Variants in KPNA7 observed in about 807,000 individuals in gnomAD.
KPNA7 encodes the protein importin subunit alpha-8.
KPNA7 carries 54 observed loss-of-function variants against 53.7 expected under a neutral mutation model. That is an observed-to-expected ratio of 1.01 (90% confidence interval 0.81 to 1.26). The LOEUF (loss-of-function observed/expected upper bound fraction) is 1.26. Ranked by LOEUF, KPNA7 falls within the 50% of genes most tolerant of loss-of-function variation. KPNA7 has a pLI of 0.00. For missense variants in KPNA7, 640 were observed against 644.5 expected, an observed-to-expected ratio of 0.99 and a Z score of 0.07; for synonymous variants, 276 against 259.3, an observed-to-expected ratio of 1.06 and a Z score of -0.62.
At chr7:99,216,558 C>T (rs1393973081) in intron 1 of KPNA7, among the ~76,000 whole-genome samples, 1 of 55,216 alleles carries the variant, frequency 1.8e-5, no homozygotes, top group East Asian at 9.9e-4. Flanking sequence ...AAGCTTCTTA[C>T]CAACACCCTC....
chr7:99,158,008 C>G, the KPNA7 span, among the ~76,000 whole-genome samples: 1 of 151,948 alleles, frequency 6.6e-6, no homozygotes, highest in African/African-American at 2.4e-5. Context: ...AACTCCTGGC[C>G]TCCTGAGTAG....
At chr7:99,219,009 C>A (rs553784159) in intron 1 of KPNA7, among the ~76,000 whole-genome samples, 1 of 152,270 alleles carries the variant, frequency 6.6e-6, no homozygotes, top group Admixed American at 6.5e-5. Context: ...ATGCCCTCAG[C>A]TGATGGCAGG....
In KPNA7 at chr7:99,186,343, A is replaced by G. The variant is rs563125324; in HGVS notation, c.901-1181T>C. Among the ~76,000 whole-genome samples the G allele has an allele frequency of 1.1e-3, 165 of 152,288 alleles. 2 individuals carry two copies. The South Asian group carries it at 0.012, about 11-fold the overall frequency. ...GGCAGCCCCAGTAAAGCCCAGCAACAGTTCTAGAATTTTCCTAGCCTATTA... is the reference window on the plus strand; with the variant it reads ...GGCAGCCCCAGTAAAGCCCAGCAACGGTTCTAGAATTTTCCTAGCCTATTA... On this transcript the variant is annotated intron_variant, in intron 7 of 10. Coordinates refer to ENST00000327442, the MANE Select transcript of KPNA7 (RefSeq NM_001145715.3).
chr7:99,179,677 C>T (rs975048814), intron 9 of KPNA7, among the ~76,000 whole-genome samples: 2 of 151,918 alleles, frequency 1.3e-5, no homozygotes, highest in African/African-American at 4.8e-5. Flanking sequence ...CTCCACCACC[C>T]AGGTTCAAGT....
At chr7:99,161,222 A>ACTCTCTCTCTCTCTCT in the KPNA7 span, among the ~76,000 whole-genome samples, 3 of 147,738 alleles carry the variant, frequency 2.0e-5, no homozygotes, top group African/African-American at 7.7e-5. Context: ...ATGTACACAA[A>ACTCTCTCTCTCTCTCT]CTCTCTCTCT....
At chr7:99,179,115 T>C (rs1799048083) in intron 9 of KPNA7, among the ~76,000 whole-genome samples, 1 of 152,126 alleles carries the variant, frequency 6.6e-6, no homozygotes, top group African/African-American at 2.4e-5. Flanking sequence ...TGCTCAAGTT[T>C]CAGGGTATCA....
chr7:99,157,129 G>C, the KPNA7 span, among the ~76,000 whole-genome samples: 2 of 152,116 alleles, frequency 1.3e-5, no homozygotes, highest in Admixed American at 6.6e-5. Flanking sequence ...ATATAAATTA[G>C]AGGATGTTGG....
At chr7:99,194,756 C>T (rs1395031802) in intron 5 of KPNA7, among the ~76,000 whole-genome samples, 3 of 152,114 alleles carry the variant, frequency 2.0e-5, no homozygotes, top group Non-Finnish European at 2.9e-5. Context: ...GGGCATGCAC[C>T]ACCATGCCTG....
chr7:99,162,037 A>ATTTTTTTTTTTTTTTTTTTT, the KPNA7 span, among the ~76,000 whole-genome samples: 1 of 106,940 alleles, frequency 9.4e-6, no homozygotes, highest in Non-Finnish European at 1.9e-5. Context: ...CAAGATTGCA[A>ATTTTTTTTTTTTTTTTTTTT]TTTTTTTTTT....
the KPNA7 span, among the ~76,000 whole-genome samples, chr7:99,166,111 G>A: frequency 2.6e-4 from 39 of 152,024 alleles, no homozygotes; most frequent in African/African-American, 9.4e-4. Flanking sequence ...TCCCAGCCAT[G>A]CTTCCTGTGC....
chr7:99,163,024 T>C, the KPNA7 span, among the ~76,000 whole-genome samples: 1 of 151,704 alleles, frequency 6.6e-6, no homozygotes, highest in East Asian at 1.9e-4. Flanking sequence ...CTACTAAAAA[T>C]ACAAAAATTA....
At chr7:99,156,085 G>T in the KPNA7 span, among the ~76,000 whole-genome samples, 1 of 152,010 alleles carries the variant, frequency 6.6e-6, no homozygotes, top group Non-Finnish European at 1.5e-5. Flanking sequence ...TGGACTTCTG[G>T]GTTGGTTTCA....
At chr7:99,151,210 A>G in the KPNA7 span, among the ~76,000 whole-genome samples, 10 of 152,008 alleles carry the variant, frequency 6.6e-5, no homozygotes, top group African/African-American at 2.2e-4. Context: ...CTGATAGCCA[A>G]CACCGTCTGT....
At chr7:99,160,554 G>T in the KPNA7 span, among the ~76,000 whole-genome samples, 2 of 151,990 alleles carry the variant, frequency 1.3e-5, no homozygotes, top group Admixed American at 6.6e-5. Flanking sequence ...GCCTCCCAAA[G>T]TGCTGGGATT....
chr7:99,201,038 T>G (rs1790504828), intron 3 of KPNA7, among the ~76,000 whole-genome samples: 1 of 152,170 alleles, frequency 6.6e-6, no homozygotes, highest in Non-Finnish European at 1.5e-5. Flanking sequence ...CCAAAAGGAA[T>G]GAAGTATTGA....
rs1435696577 is a variant in KPNA7, at chr7:99,178,071, G to T, written c.1318-5C>A. Reference sequence around the variant, plus strand: ...CTCAGACCGTTTCTCTGCCGCCTGTGACCAAGTACAAGGGGACATGAGACC... The same window carrying T: ...CTCAGACCGTTTCTCTGCCGCCTGTTACCAAGTACAAGGGGACATGAGACC... On this transcript the variant is annotated splice_polypyrimidine_tract_variant and splice_region_variant and intron_variant, in intron 9 of 10. Transcript: ENST00000327442. The T allele has an allele frequency of 5.2e-6, 8 of 1,551,034 alleles. No homozygotes were observed. In the African/African-American group the frequency reaches 9.6e-5, roughly 19 times the overall value.
chr7:99,191,566 C>T (rs1789954848), intron 6 of KPNA7, among the ~76,000 whole-genome samples: 1 of 152,170 alleles, frequency 6.6e-6, no homozygotes, highest in Non-Finnish European at 1.5e-5. Flanking sequence ...AGCCCTTTTC[C>T]TGCTTGCCAT....
At chr7:99,184,154 C>CT (rs34193595) in intron 8 of KPNA7, among the ~76,000 whole-genome samples, 63,056 of 125,078 alleles carry the variant, frequency 0.5, 17,632 homozygotes, top group East Asian at 0.65. Flanking sequence ...TGCCCACAAC[C>CT]TTTTTTTTTT....
chr7:99,177,897 C>T (rs999854954), intron 10 of KPNA7, 23 bp downstream of exon 10: 5 of 1,551,172 alleles, frequency 3.2e-6, no homozygotes, highest in African/African-American at 2.7e-5. Context: ...CTGGATACTC[C>T]TCCACGCTCC....
Sources: allele counts gnomAD v4.1 joint callset (sites outside exome capture counted in the v4.1 genomes callset), GRCh38; gene constraint gnomAD v4.1.1; transcripts MANE v1.5; gene names NCBI Gene and HGNC (gene_info 2026-07-23, HGNC 2026-07-21).